The following GALNT1 variants were observed in gnomAD, a reference collection of about 807,000 sequenced individuals.
GALNT1 encodes polypeptide N-acetylgalactosaminyltransferase 1.
Under a neutral mutation model 65.7 loss-of-function variants are expected in GALNT1, and 17 were observed. The ratio of observed to expected loss-of-function variants is 0.26; its 90% CI spans 0.18 to 0.39. The LOEUF is 0.39. GALNT1 is among the 10% of genes least tolerant of loss of function. The pLI, the probability that GALNT1 is intolerant of heterozygous loss-of-function variation, is 1.00. For synonymous variants in GALNT1, 210 were observed against 219.7 expected, an observed-to-expected ratio of 0.96 and a Z score of 0.39; for missense variants, 460 against 672.8, an observed-to-expected ratio of 0.68 and a Z score of 3.50.
At chr18:35,702,722 G>A in intron 9 of GALNT1, 175 bp from the exon 10 acceptor site, 1 of 395,450 alleles carries the variant, frequency 2.5e-6, no homozygotes, top group Non-Finnish European at 4.6e-6. Context: ...ATAAACAGTT[G>A]TAAGACCTTT....
chr18:35,681,146 A>G (rs1382971155), intron 4 of GALNT1, among the ~76,000 whole-genome samples: 1 of 152,034 alleles, frequency 6.6e-6, no homozygotes. Context: ...TTTTTTCCTG[A>G]TGTTCACACT....
chr18:35,636,809 C>CA (rs1379862171), intron 1 of GALNT1, among the ~76,000 whole-genome samples: 15 of 34,282 alleles, frequency 4.4e-4, no homozygotes, highest in South Asian at 8.8e-4. Context: ...TTTTTTTTTT[C>CA]AACAAATGGA....
At chr18:35,586,260 T>C (rs570220473) in intron 1 of GALNT1, among the ~76,000 whole-genome samples, 18 of 152,340 alleles carry the variant, frequency 1.2e-4, no homozygotes, top group African/African-American at 4.3e-4. Flanking sequence ...CAGGGAACTA[T>C]CTTTTGTTCA....
intron 1 of GALNT1, among the ~76,000 whole-genome samples, chr18:35,613,526 G>C (rs762378908): frequency 6.6e-6 from 1 of 152,082 alleles, no homozygotes; most frequent in Non-Finnish European, 1.5e-5. Flanking sequence ...ACTGGCTCCC[G>C]TGCTGAGGGT....
chr18:35,668,998 A>G (rs1285177263), intron 3 of GALNT1, among the ~76,000 whole-genome samples: 2 of 152,148 alleles, frequency 1.3e-5, no homozygotes, highest in African/African-American at 2.4e-5. Flanking sequence ...TCCCAGCACT[A>G]TGGGAGGCCG....
intron 8 of GALNT1, 48 bp from the exon 9 acceptor site, chr18:35,692,133 T>TA (rs1402107878): frequency 6.6e-7 from 1 of 1,515,318 alleles, no homozygotes; most frequent in Non-Finnish European, 9.1e-7. Flanking sequence ...AAACATGTGT[T>TA]ACCTAAAACA....
chr18:35,606,536 G>A (rs1212448322), intron 1 of GALNT1, among the ~76,000 whole-genome samples: 2 of 152,122 alleles, frequency 1.3e-5, no homozygotes, highest in Admixed American at 6.6e-5. Flanking sequence ...TTAATTAGAA[G>A]TCCTCAGAGA....
intron 1 of GALNT1, among the ~76,000 whole-genome samples, chr18:35,644,479 A>G (rs1568022618): frequency 6.6e-6 from 1 of 152,214 alleles, no homozygotes; most frequent in Non-Finnish European, 1.5e-5. Flanking sequence ...GGGGTAAGCC[A>G]GAATAGCTGC....
intron 5 of GALNT1, among the ~76,000 whole-genome samples, chr18:35,686,774 T>C (rs542906296): frequency 2.4e-4 from 37 of 152,258 alleles, no homozygotes; most frequent in South Asian, 1.2e-3. Context: ...TGTGGTGTTA[T>C]GTGATCCCAG....
At chr18:35,693,278 G>A (rs541349514) in intron 9 of GALNT1, among the ~76,000 whole-genome samples, 106 of 152,256 alleles carry the variant, frequency 7.0e-4, no homozygotes, top group African/African-American at 2.4e-3. Context: ...AAGTATAAAG[G>A]TTTCTAAGAT....
At chr18:35,662,582 T>C (rs1568026823) in intron 2 of GALNT1, among the ~76,000 whole-genome samples, 1 of 152,120 alleles carries the variant, frequency 6.6e-6, no homozygotes, top group Non-Finnish European at 1.5e-5. Context: ...TGAAGAGAGA[T>C]GGCTTTTCTG....
intron 1 of GALNT1, among the ~76,000 whole-genome samples, chr18:35,622,713 CT>C (rs901158349): frequency 6.6e-5 from 10 of 151,530 alleles, no homozygotes; most frequent in Admixed American, 1.3e-4. Context: ...TTCTAAATCT[CT>C]TTTTTTTTCC....
chr18:35,638,231 A>G (rs2047117356), intron 1 of GALNT1, among the ~76,000 whole-genome samples: 2 of 152,188 alleles, frequency 1.3e-5, no homozygotes, highest in South Asian at 2.1e-4. Context: ...GGTCTGACCC[A>G]CAGACCCCGA....
rs373147449 is a variant in GALNT1, at chr18:35,631,224, A to G, written c.-103-23336A>G. 1.1e-4 allele frequency among the ~76,000 whole-genome samples: 16 copies of G among 152,220 alleles called. No homozygotes were observed. The East Asian group carries it at 1.5e-3, about 15-fold the overall frequency. ...TTTATGAGGCCAGCATCATCCTGAT[A>G]CCAAAGCCTGGCAGAGACACAACTT... On this transcript the variant is annotated intron_variant, in intron 1 of 11. Transcript: ENST00000269195.
intron 1 of GALNT1, among the ~76,000 whole-genome samples, chr18:35,645,967 A>T (rs1220390616): frequency 2.6e-5 from 4 of 152,192 alleles, no homozygotes; most frequent in African/African-American, 9.7e-5. Context: ...TGGGTCAGGA[A>T]TGGAAGAGCA....
At position 35,680,207 on chromosome 18, in the gene GALNT1, C is replaced by T. The variant is rs114910645; in HGVS notation, c.481+2450C>T. ...CCTTCAATTGTACTGATTTTGTTCC[C>T]TCTCCCTGGAACATTGTTCTCTAGG... is the stretch of plus-strand genomic sequence containing the variant. On this transcript the variant is annotated intron_variant, in intron 4 of 11. Transcript: ENST00000269195. Among the ~76,000 whole-genome samples, 1,369 of 152,204 alleles carry T rather than the reference C, an allele frequency of 9.0e-3. 22 individuals carry two copies. Among genetic ancestry groups the T allele is most frequent in the African/African-American group, 0.03 (1,225 of 41,516 alleles).
Position 35,710,512 on chromosome 18 carries a change from CTACAG to C in GALNT1, c.*744_*748del, listed in dbSNP as rs1172473847. ...CTTTGAATATAGTTTTAATTTCTCT[CTACAG>C]TTTTTTTTGTTTGGTTTGTGGGCTG... On this transcript the variant is annotated 3_prime_UTR_variant, in exon 12 of 12. Transcript: ENST00000269195. 2.6e-5 allele frequency: 4 copies of C among 151,636 alleles called. No individual in the cohort carries two copies. The highest frequency in any genetic ancestry group is 5.9e-5 in the Non-Finnish European group (4 of 67,940). 9.4% of individuals were successfully genotyped at this position (151,636 alleles called of 1,614,324 possible).
At chr18:35,653,928 T>C (rs1255824404) in intron 1 of GALNT1, among the ~76,000 whole-genome samples, 1 of 152,246 alleles carries the variant, frequency 6.6e-6, no homozygotes, top group Admixed American at 6.5e-5. Context: ...GTTTCCTGAA[T>C]GATTGGTGAC....
Position 35,654,540 on chromosome 18 carries a change from T to G in GALNT1, c.-103-20T>G. On this transcript the variant is annotated intron_variant, in intron 1 of 11. Transcript: ENST00000269195. The stretch of plus-strand genomic sequence containing the variant: ...GTTCTGAATTTTTAAGTTAATCTTT[T>G]TTCCTTTCTTTCTCTATAGGGTATG... 2.6e-6 allele frequency: 1 copy of G among 382,146 alleles called. No individual in the cohort carries two copies. The highest frequency in any genetic ancestry group is 4.2e-6 in the Non-Finnish European group (1 of 240,758). The allele number at this position is 382,146 out of a possible 1,614,324, so 23.7% of individuals were successfully genotyped here.
Sources: gnomAD v4.1 joint callset for allele counts (sites outside exome capture counted in the v4.1 genomes callset) on GRCh38, gnomAD v4.1.1 for gene constraint, MANE v1.5 for transcripts, NCBI Gene and HGNC (gene_info 2026-07-23, HGNC 2026-07-21) for gene names.